The following WWOX variants were observed in gnomAD, a reference collection of about 807,000 sequenced individuals.
The protein encoded by WWOX is WW domain containing oxidoreductase.
In WWOX, 69 loss-of-function variants were observed where a neutral mutation model predicts 46.2. The observed-to-expected ratio is 1.49, with a 90% CI of 1.23 to 1.82. The LOEUF (loss-of-function observed/expected upper bound fraction) is 1.82. WWOX is among the 40% of genes most tolerant of loss of function. WWOX has a pLI of 0.00. For synonymous variants in WWOX, 359 were observed against 202.6 expected, an observed-to-expected ratio of 1.77 and a Z score of -6.56; for missense variants, 919 against 542.6, an observed-to-expected ratio of 1.69 and a Z score of -6.89.
intron 8 of WWOX, among the ~76,000 whole-genome samples, chr16:78,460,009 G>C (rs1247481949): frequency 6.7e-6 from 1 of 149,552 alleles, no homozygotes; most frequent in African/African-American, 2.4e-5. Context: ...TTTTCACCAT[G>C]TTGTTCAGGC....
intron 5 of WWOX, among the ~76,000 whole-genome samples, chr16:78,329,824 G>A (rs775474954): frequency 3.3e-5 from 5 of 149,892 alleles, no homozygotes; most frequent in Non-Finnish European, 7.4e-5. Flanking sequence ...ATAGCTCACT[G>A]CAGCCTCAAA....
intron 5 of WWOX, among the ~76,000 whole-genome samples, chr16:78,251,023 C>G (rs552198280): frequency 1.7e-4 from 26 of 152,312 alleles, no homozygotes; most frequent in Non-Finnish European, 2.9e-4. Context: ...CCGGACCACA[C>G]ATTCAGGTGC....
At chr16:78,482,970 C>G (rs929382422) in intron 8 of WWOX, among the ~76,000 whole-genome samples, 2 of 152,096 alleles carry the variant, frequency 1.3e-5, no homozygotes, top group Admixed American at 6.6e-5. Flanking sequence ...GCACTGAGAT[C>G]TATGCATGTT....
intron 4 of WWOX, among the ~76,000 whole-genome samples, chr16:78,134,376 A>C (rs56129600): frequency 0.23 from 34,740 of 152,008 alleles, 4,101 homozygotes; most frequent in South Asian, 0.28. Flanking sequence ...ATACTTCGCA[A>C]TGCCTGCTGA....
intron 8 of WWOX, among the ~76,000 whole-genome samples, chr16:78,977,781 GC>G (rs1157794652): frequency 4.6e-5 from 7 of 152,042 alleles, no homozygotes; most frequent in Admixed American, 3.9e-4. Context: ...TCCCAAACAT[GC>G]ACTCCCATCC....
intron 8 of WWOX, among the ~76,000 whole-genome samples, chr16:78,727,462 T>C (rs1239792559): frequency 1.3e-5 from 2 of 152,036 alleles, no homozygotes; most frequent in Non-Finnish European, 2.9e-5. Flanking sequence ...TCTGAATACA[T>C]CACCACAGAA....
At chr16:78,307,929 C>G (rs1052764692) in intron 5 of WWOX, among the ~76,000 whole-genome samples, 2 of 152,172 alleles carry the variant, frequency 1.3e-5, no homozygotes, top group African/African-American at 4.8e-5. Context: ...TGGTTAAGCA[C>G]CATGCCATTC....
At chr16:78,395,732 G>A (rs2082269613) in intron 6 of WWOX, among the ~76,000 whole-genome samples, 1 of 150,392 alleles carries the variant, frequency 6.6e-6, no homozygotes, top group African/African-American at 2.5e-5. Flanking sequence ...TTACTCTACT[G>A]AGTATGGTTT....
intron 8 of WWOX, among the ~76,000 whole-genome samples, chr16:78,694,534 A>ACTTTG (rs1327845244): frequency 1.3e-5 from 2 of 152,024 alleles, no homozygotes; most frequent in Non-Finnish European, 2.9e-5. Flanking sequence ...CATAAATTCC[A>ACTTTG]CTTTGCCTCT....
Position 78,802,879 on chromosome 16 carries a change from G to A in WWOX, c.1056+370127G>A, listed in dbSNP as rs182493418. On this transcript the variant is annotated intron_variant, in intron 8 of 8. Coordinates refer to ENST00000566780, the MANE Select transcript of WWOX (RefSeq NM_016373.4). The stretch of plus-strand genomic sequence containing the variant: ...TGCAGTGAGACAAGATGATGCCATT[G>A]CACTCCAGCCTGGGTCACAGAGCAA... Among the ~76,000 whole-genome samples the A allele has an allele frequency of 5.1e-3, 637 of 124,808 alleles. 3 individuals carry two copies. The highest frequency in any genetic ancestry group is 7.4e-3 in the Admixed American group (71 of 9,630). 81.9% of individuals were successfully genotyped at this position (124,808 alleles called of 152,430 possible). A position where few individuals can be genotyped will look rare whatever the true frequency, so the allele number is the denominator to read the frequency against.
At chr16:79,125,568 C>G (rs911214306) in intron 8 of WWOX, among the ~76,000 whole-genome samples, 9 of 151,800 alleles carry the variant, frequency 5.9e-5, no homozygotes, top group Non-Finnish European at 1.2e-4. Flanking sequence ...TTTTTGAATC[C>G]ATCCGTGTGG....
chr16:79,165,228 AT>A (rs1335269364), intron 8 of WWOX, among the ~76,000 whole-genome samples: 1 of 151,896 alleles, frequency 6.6e-6, no homozygotes, highest in Non-Finnish European at 1.5e-5. Context: ...GTGACCTCAT[AT>A]ACTCATGGTA....
intron 5 of WWOX, among the ~76,000 whole-genome samples, chr16:78,366,850 A>G (rs918364150): frequency 1.3e-5 from 2 of 152,138 alleles, no homozygotes; most frequent in African/African-American, 4.8e-5. Flanking sequence ...ACACATATAG[A>G]AACTGTTCCT....
Position 78,514,597 on chromosome 16 carries a change from A to G in WWOX, c.1056+81845A>G, listed in dbSNP as rs1189733632. Among the ~76,000 whole-genome samples, 45 of 152,098 alleles carry G rather than the reference A, an allele frequency of 3.0e-4. 1 individual carries two copies. Among genetic ancestry groups the G allele is most frequent in the Admixed American group, 2.8e-3 (43 of 15,278 alleles). On this transcript the variant is annotated intron_variant, in intron 8 of 8. Transcript: ENST00000566780. ...CTTCCTTGACCGATAAGTGTACCAG[A>G]TTTCCTTACCTGTCCCAGGGCAAGA...
At chr16:78,824,136 A>C (rs2051583287) in intron 8 of WWOX, among the ~76,000 whole-genome samples, 1 of 152,166 alleles carries the variant, frequency 6.6e-6, no homozygotes, top group East Asian at 1.9e-4. Flanking sequence ...AAAGTTTTTA[A>C]AAATCTATTT....
At position 78,464,329 on chromosome 16, in the gene WWOX, G is replaced by A. The variant is rs189733754; in HGVS notation, c.1056+31577G>A. On this transcript the variant is annotated intron_variant, in intron 8 of 8. Transcript: ENST00000566780. ...GAAAGAGAGGAAAGAGGGGAAGGGA[G>A]GAAGGAAAGAAGAGAGAGAAGGAGG... is the stretch of plus-strand genomic sequence containing the variant. Among the ~76,000 whole-genome samples, 778 of 151,284 alleles carry A rather than the reference G, an allele frequency of 5.1e-3. 8 individuals carry two copies. The highest frequency in any genetic ancestry group is 0.018 in the African/African-American group (733 of 41,176).
At chr16:78,124,326 A>C (rs934224200) in intron 4 of WWOX, 2 of 152,166 alleles carry the variant, frequency 1.3e-5, no homozygotes, top group Non-Finnish European at 2.9e-5. Context: ...ATAAATTGTT[A>C]AAACTAGATG....
intron 8 of WWOX, among the ~76,000 whole-genome samples, chr16:78,458,316 A>G (rs1458060029): frequency 6.8e-6 from 1 of 147,830 alleles, no homozygotes; most frequent in East Asian, 2.0e-4. Context: ...GCTAGAGTAC[A>G]GTGGCGTGAT....
At chr16:78,173,474 T>TG (rs35110348) in intron 5 of WWOX, among the ~76,000 whole-genome samples, 28 of 150,830 alleles carry the variant, frequency 1.9e-4, no homozygotes, top group South Asian at 8.4e-4. Flanking sequence ...TTTTTTTTTT[T>TG]TAATGTAGAG....
Sources: gnomAD v4.1 joint callset for allele counts (sites outside exome capture counted in the v4.1 genomes callset) on GRCh38, gnomAD v4.1.1 for gene constraint, MANE v1.5 for transcripts, NCBI Gene and HGNC (gene_info 2026-07-23, HGNC 2026-07-21) for gene names.